The following PHF24 variants were observed in gnomAD, a reference collection of about 807,000 sequenced individuals.
PHF24 encodes Galpha inhibitory interacting protein.
A neutral mutation model predicts 42.6 loss-of-function variants in PHF24; 25 were observed. The ratio of observed to expected loss-of-function variants is 0.59; its 90% CI spans 0.43 to 0.82. The LOEUF is 0.82. PHF24 is among the 40% of genes least tolerant of loss of function. The pLI is 0.00. For synonymous variants in PHF24, 185 were observed against 204.8 expected (o/e 0.90, Z 0.83); for missense variants, 470 against 538.1 (o/e 0.87, Z 1.25).
chr9:34,838,948 G>C, the PHF24 span, among the ~76,000 whole-genome samples: 1 of 152,180 alleles, frequency 6.6e-6, no homozygotes, highest in Non-Finnish European at 1.5e-5. Flanking sequence ...AAGAATTTAG[G>C]GAGGGCAGAG....
At chr9:34,907,455 G>A in the PHF24 span, among the ~76,000 whole-genome samples, 1 of 152,034 alleles carries the variant, frequency 6.6e-6, no homozygotes, top group East Asian at 1.9e-4. Context: ...TCTGCTTTTT[G>A]TCGGTTGATT....
At chr9:34,947,829 C>T in the PHF24 span, among the ~76,000 whole-genome samples, 1 of 152,064 alleles carries the variant, frequency 6.6e-6, no homozygotes, top group Admixed American at 6.5e-5. Context: ...AAAAAGTTGG[C>T]TGGGCGCGGT....
chr9:34,726,673 C>T, the PHF24 span: 13 of 1,551,418 alleles, frequency 8.4e-6, no homozygotes, highest in Non-Finnish European at 1.1e-5. Flanking sequence ...CATCTGCATA[C>T]GTTGACTGGG....
chr9:34,706,062 T>C, the PHF24 span, among the ~76,000 whole-genome samples: 1 of 152,294 alleles, frequency 6.6e-6, no homozygotes, highest in African/African-American at 2.4e-5. Flanking sequence ...GGGAAGGGCA[T>C]TAGAACCTTT....
the PHF24 span, among the ~76,000 whole-genome samples, chr9:34,897,374 A>G: frequency 6.6e-6 from 1 of 152,156 alleles, no homozygotes; most frequent in Non-Finnish European, 1.5e-5. Flanking sequence ...AAAAGCCAAC[A>G]TTTTGCTGGG....
the PHF24 span, chr9:34,709,514 G>A: frequency 6.2e-7 from 1 of 1,613,982 alleles, no homozygotes; most frequent in African/African-American, 1.3e-5. Flanking sequence ...TGCAGCCTTT[G>A]GAGCCCTTTC....
chr9:34,873,795 C>T, the PHF24 span, among the ~76,000 whole-genome samples: 33 of 150,820 alleles, frequency 2.2e-4, no homozygotes, highest in African/African-American at 8.0e-4. Flanking sequence ...TTACCTTGGG[C>T]AGTATGGCCA....
At chr9:34,729,473 A>C in the PHF24 span, 53 of 1,519,720 alleles carry the variant, frequency 3.5e-5, no homozygotes, top group Non-Finnish European at 4.2e-5. Context: ...TCTATCTCGG[A>C]ATTCAGGGTT....
At chr9:34,686,429 G>A in the PHF24 span, among the ~76,000 whole-genome samples, 4 of 152,114 alleles carry the variant, frequency 2.6e-5, no homozygotes, top group Non-Finnish European at 5.9e-5. Flanking sequence ...TGGGGGGCGG[G>A]GCATGGTGGG....
the PHF24 span, among the ~76,000 whole-genome samples, chr9:34,851,988 C>T: frequency 0.27 from 40,769 of 151,912 alleles, 6,817 homozygotes; most frequent in East Asian, 0.54. Context: ...AACACAGTTT[C>T]GAACTGCATG....
chr9:34,794,686 C>A, the PHF24 span, among the ~76,000 whole-genome samples: 1 of 152,144 alleles, frequency 6.6e-6, no homozygotes, highest in African/African-American at 2.4e-5. Context: ...AATTTAAAAA[C>A]TCACTGGCTT....
chr9:34,749,453 C>G, the PHF24 span, among the ~76,000 whole-genome samples: 3 of 152,062 alleles, frequency 2.0e-5, no homozygotes, highest in Non-Finnish European at 2.9e-5. Flanking sequence ...AAGGATCCAG[C>G]CAGGTGTGGT....
chr9:34,834,077 G>A, the PHF24 span: 134 of 1,540,978 alleles, frequency 8.7e-5, 1 homozygote, highest in Middle Eastern at 1.7e-4. Context: ...ATCAAGGGCC[G>A]TTGGCATCCA....
the PHF24 span, chr9:34,835,234 G>A: frequency 6.4e-7 from 1 of 1,552,236 alleles, no homozygotes; most frequent in Non-Finnish European, 8.7e-7. Context: ...AGGTCTGGAG[G>A]GAAATGGTCT....
At chr9:34,722,972 T>G in the PHF24 span, 1 of 446,312 alleles carries the variant, frequency 2.2e-6, no homozygotes, top group South Asian at 5.4e-5. Context: ...GCTCCTTCCC[T>G]AGACAGGAAG....
chr9:34,935,547 C>A, the PHF24 span, among the ~76,000 whole-genome samples: 1 of 145,942 alleles, frequency 6.9e-6, no homozygotes, highest in Non-Finnish European at 1.5e-5. Flanking sequence ...TGAACCAAGA[C>A]TGTGCCACTG....
the PHF24 span, among the ~76,000 whole-genome samples, chr9:34,717,606 A>G: frequency 6.6e-6 from 1 of 152,180 alleles, no homozygotes; most frequent in African/African-American, 2.4e-5. Flanking sequence ...GACCAGGGGT[A>G]TGCACGTGAA....
the PHF24 span, chr9:34,895,704 C>G: frequency 2.5e-6 from 1 of 404,804 alleles, no homozygotes; most frequent in African/African-American, 2.1e-5. Context: ...TCCCACAAAA[C>G]AAAGGTAGGG....
intron 1 of PHF24, among the ~76,000 whole-genome samples, chr9:34,967,874 C>T (rs577393718): frequency 3.3e-5 from 5 of 152,298 alleles, no homozygotes; most frequent in East Asian, 1.9e-4. Context: ...ATTCTAAATG[C>T]TTCAGACTAT....
Sources: gnomAD v4.1 joint callset for allele counts (sites outside exome capture counted in the v4.1 genomes callset) on GRCh38, gnomAD v4.1.1 for gene constraint, MANE v1.5 for transcripts, NCBI Gene and HGNC (gene_info 2026-07-23, HGNC 2026-07-21) for gene names.